Variants in NPAS3 observed in about 807,000 individuals in gnomAD.
NPAS3 encodes neuronal PAS domain-containing protein 3.
NPAS3 carries 14 observed loss-of-function variants against 73.1 expected under a neutral mutation model. The observed-to-expected ratio is 0.19, with a 90% confidence interval of 0.13 to 0.30. The LOEUF (loss-of-function observed/expected upper bound fraction) is 0.30. NPAS3 is among the 10% of genes least tolerant of loss of function. The probability of loss-of-function intolerance (pLI) is 1.00; values close to 1 mark genes in which losing one functional copy is unlikely to be tolerated. For synonymous variants in NPAS3, 620 were observed against 541.5 expected, an observed-to-expected ratio of 1.14 and a Z score of -2.01; for missense variants, 1,096 against 1,250.0, an observed-to-expected ratio of 0.88 and a Z score of 1.86.
chr14:33,126,036 G>A (rs1362602576), intron 2 of NPAS3, among the ~76,000 whole-genome samples: 1 of 152,186 alleles, frequency 6.6e-6, no homozygotes, highest in Non-Finnish European at 1.5e-5. Flanking sequence ...TTAGCCTTCA[G>A]CTGTGTGAAT....
At chr14:32,937,749 C>G (rs981536292), upstream of NPAS3, among the ~76,000 whole-genome samples, 49 of 152,192 alleles carry the variant, frequency 3.2e-4, no homozygotes, top group African/African-American at 1.2e-3. Context: ...GAACCTCACA[C>G]AGGACTGATG....
chr14:33,026,900 CT>C (rs2039823946), intron 1 of NPAS3, among the ~76,000 whole-genome samples: 1 of 152,178 alleles, frequency 6.6e-6, no homozygotes, highest in East Asian at 1.9e-4. Flanking sequence ...TTTTTTCCCC[CT>C]GTTACATTGA....
At chr14:33,271,915 A>G (rs1331317396) in intron 3 of NPAS3, among the ~76,000 whole-genome samples, 2 of 152,198 alleles carry the variant, frequency 1.3e-5, no homozygotes, top group Non-Finnish European at 2.9e-5. Context: ...AAGAGAAAGT[A>G]GAAAAAAAAA....
At chr14:33,368,765 A>G (rs1296521626) in intron 4 of NPAS3, among the ~76,000 whole-genome samples, 1 of 152,180 alleles carries the variant, frequency 6.6e-6, no homozygotes, top group Non-Finnish European at 1.5e-5. Context: ...TTCTTTCTAG[A>G]TCTTCAAATT....
chr14:33,642,463 T>A (rs1370454024), intron 5 of NPAS3, among the ~76,000 whole-genome samples: 2 of 152,168 alleles, frequency 1.3e-5, no homozygotes, highest in Non-Finnish European at 2.9e-5. Flanking sequence ...GGCCCAGGAA[T>A]GTTTAATCTT....
chr14:33,276,500 T>G (rs2041341044), intron 3 of NPAS3, among the ~76,000 whole-genome samples: 1 of 152,144 alleles, frequency 6.6e-6, no homozygotes, highest in African/African-American at 2.4e-5. Flanking sequence ...TTTAATGAAG[T>G]AATTTTTTTA....
intron 4 of NPAS3, among the ~76,000 whole-genome samples, chr14:33,377,873 T>G (rs2046375231): frequency 6.6e-6 from 1 of 152,206 alleles, no homozygotes; most frequent in South Asian, 2.1e-4. Context: ...GTTCAGTAAA[T>G]ATTTACTCCA....
intron 5 of NPAS3, among the ~76,000 whole-genome samples, chr14:33,584,417 G>A (rs1342988804): frequency 1.4e-5 from 2 of 144,244 alleles, no homozygotes; most frequent in Non-Finnish European, 3.0e-5. Flanking sequence ...AAAAAAGGGG[G>A]ATCAATAGAG....
At chr14:33,531,316 G>A (rs1256564577) in intron 4 of NPAS3, among the ~76,000 whole-genome samples, 1 of 152,090 alleles carries the variant, frequency 6.6e-6, no homozygotes, top group Admixed American at 6.6e-5. Flanking sequence ...ATACAGAAAA[G>A]TGCCATAATT....
intron 5 of NPAS3, chr14:33,586,111 A>T (rs2056847918): frequency 6.6e-6 from 1 of 151,844 alleles, no homozygotes; most frequent in Non-Finnish European, 1.5e-5. Context: ...CTGAGAAATA[A>T]GGCCTCAGGT....
In NPAS3 at chr14:33,676,393, T is replaced by C. The variant is rs780861555; in HGVS notation, c.733+8T>C. The C allele has an allele frequency of 6.4e-7, 1 of 1,551,846 alleles. No individual in the cohort carries two copies. Among genetic ancestry groups the C allele is most frequent in the African/African-American group, 1.4e-5 (1 of 72,288 alleles). ...CGGAGACCCCCGAGCCAGGTGGGAATTGCAAACCCAGTGTGTGGGTTGGTG... is the reference window on the plus strand; with the variant it reads ...CGGAGACCCCCGAGCCAGGTGGGAACTGCAAACCCAGTGTGTGGGTTGGTG... On this transcript the variant is annotated splice_region_variant and intron_variant, in intron 6 of 11. Transcript: ENST00000356141.
chr14:33,233,935 T>C (rs1227401239), intron 3 of NPAS3, among the ~76,000 whole-genome samples: 1 of 152,168 alleles, frequency 6.6e-6, no homozygotes, highest in Admixed American at 6.6e-5. Flanking sequence ...TAATGAAGAC[T>C]TTTTCTTTGA....
At chr14:33,285,714 C>G (rs946960208) in intron 3 of NPAS3, among the ~76,000 whole-genome samples, 2 of 152,264 alleles carry the variant, frequency 1.3e-5, no homozygotes, top group Admixed American at 1.3e-4. Flanking sequence ...CACTGCTTCT[C>G]TTTCTCTGTC....
At chr14:33,325,402 T>G (rs1408676526) in intron 3 of NPAS3, among the ~76,000 whole-genome samples, 1 of 152,114 alleles carries the variant, frequency 6.6e-6, no homozygotes, top group East Asian at 1.9e-4. Context: ...AATCAATACT[T>G]TGGGAGACCG....
At position 33,353,945 on chromosome 14, in the gene NPAS3, G is replaced by A. The variant is rs141341113; in HGVS notation, c.386-13241G>A. On this transcript the variant is annotated intron_variant, in intron 3 of 11. Coordinates refer to ENST00000356141, the Ensembl canonical transcript of NPAS3. ...TGTTGTTTAAACAACATCTGGAAGA[G>A]CTGGAGGCTGAGATCCCTATTGTAG... Among the ~76,000 whole-genome samples, 259 of 152,276 alleles carry A rather than the reference G, an allele frequency of 1.7e-3. 2 individuals are homozygous for A. Among genetic ancestry groups the A allele is most frequent in the African/African-American group, 6.0e-3 (249 of 41,546 alleles).
At chr14:33,024,272 A>G (rs776782820) in intron 1 of NPAS3, among the ~76,000 whole-genome samples, 1 of 151,682 alleles carries the variant, frequency 6.6e-6, no homozygotes. Flanking sequence ...CCTGGGTTCA[A>G]GCAATTCTCC....
intron 3 of NPAS3, among the ~76,000 whole-genome samples, chr14:33,266,388 A>G (rs2040817172): frequency 1.3e-5 from 2 of 152,170 alleles, no homozygotes; most frequent in Non-Finnish European, 2.9e-5. Context: ...CAGATTGAAG[A>G]GAGAGCTCAT....
chr14:33,081,678 T>G (rs1252403450), intron 2 of NPAS3, among the ~76,000 whole-genome samples: 1 of 152,248 alleles, frequency 6.6e-6, no homozygotes, highest in African/African-American at 2.4e-5. Flanking sequence ...GATCAAGGAT[T>G]CCTGCTGTCC....
intron 1 of NPAS3, among the ~76,000 whole-genome samples, chr14:32,947,814 T>G (rs1318636882): frequency 6.6e-6 from 1 of 152,142 alleles, no homozygotes; most frequent in Non-Finnish European, 1.5e-5. Context: ...TTTGCACATT[T>G]TTATTGTTCT....
Sources: allele counts gnomAD v4.1 joint callset (sites outside exome capture counted in the v4.1 genomes callset), GRCh38; gene constraint gnomAD v4.1.1; transcripts MANE v1.5; gene names NCBI Gene and HGNC (gene_info 2026-07-23, HGNC 2026-07-21).